Variants in ANO2 observed in about 807,000 individuals in gnomAD.
ANO2 encodes anoctamin-2.
In ANO2, 101 loss-of-function variants were observed where a neutral mutation model predicts 124.2. The ratio of observed to expected loss-of-function variants is 0.81; its 90% CI spans 0.69 to 0.96. ANO2 has a LOEUF of 0.96. Ranked by LOEUF, ANO2 falls within the 40% of genes least tolerant of loss-of-function variation. ANO2 has a pLI of 0.00. For synonymous variants in ANO2, 486 were observed against 482.5 expected (o/e 1.01, Z -0.09); for missense variants, 1,293 against 1,274.5 (o/e 1.01, Z -0.22).
chr12:5,567,787 G>A (rs532949414), intron 23 of ANO2, among the ~76,000 whole-genome samples: 1 of 152,172 alleles, frequency 6.6e-6, no homozygotes, highest in Non-Finnish European at 1.5e-5. Context: ...AGTTTAACAA[G>A]CATATCCATC....
At chr12:5,629,585 C>G (rs1434475418) in intron 16 of ANO2, among the ~76,000 whole-genome samples, 1 of 152,166 alleles carries the variant, frequency 6.6e-6, no homozygotes, top group Admixed American at 6.5e-5. Context: ...GTGACCTGCC[C>G]AGATTTTGCC....
At position 5,748,385 on chromosome 12, in the gene ANO2, T is replaced by C. The variant is rs150220581; in HGVS notation, c.1190+2451A>G. 4.6e-3 allele frequency among the ~76,000 whole-genome samples: 698 copies of C among 152,318 alleles called. 2 individuals carry two copies. The highest frequency in any genetic ancestry group is 7.2e-3 in the Non-Finnish European group (490 of 68,026). ...AGGGAAACCCAAAAGCCATGTTTTCTTAGAACACACCCAGGCAAGCCCACG... is the reference window on the plus strand; with the variant it reads ...AGGGAAACCCAAAAGCCATGTTTTCCTAGAACACACCCAGGCAAGCCCACG... On this transcript the variant is annotated intron_variant, in intron 11 of 24. Coordinates refer to ENST00000682330, the MANE Select transcript of ANO2 (RefSeq NM_001364791.2).
intron 3 of ANO2, among the ~76,000 whole-genome samples, chr12:5,885,380 T>G (rs139064540): frequency 2.7e-4 from 41 of 152,378 alleles, no homozygotes; most frequent in African/African-American, 9.9e-4. Flanking sequence ...TCATGCTTAC[T>G]GTCCAGTGAC....
chr12:5,690,311 T>C (rs1397229199), intron 14 of ANO2, among the ~76,000 whole-genome samples: 2 of 152,126 alleles, frequency 1.3e-5, no homozygotes, highest in Non-Finnish European at 2.9e-5. Context: ...ATTTTCTCAC[T>C]CTGGATTCCC....
chr12:5,743,683 C>A (rs1046029906), intron 12 of ANO2, among the ~76,000 whole-genome samples: 3 of 152,194 alleles, frequency 2.0e-5, no homozygotes, highest in Admixed American at 6.5e-5. Context: ...ACAGTACAGT[C>A]TACACTCATG....
intron 7 of ANO2, among the ~76,000 whole-genome samples, chr12:5,826,973 T>C (rs1184733025): frequency 6.6e-6 from 1 of 152,216 alleles, no homozygotes; most frequent in Admixed American, 6.5e-5. Context: ...AGCTGTCAGA[T>C]GCCACTTGGA....
At chr12:5,674,582 T>A (rs1948147191) in intron 14 of ANO2, among the ~76,000 whole-genome samples, 1 of 152,172 alleles carries the variant, frequency 6.6e-6, no homozygotes, top group Non-Finnish European at 1.5e-5. Flanking sequence ...TGGCCACCTC[T>A]TCTTAGAAGA....
At chr12:5,652,261 A>C (rs369864764) in intron 14 of ANO2, among the ~76,000 whole-genome samples, 165 of 152,288 alleles carry the variant, frequency 1.1e-3, no homozygotes, top group Middle Eastern at 0.01. Flanking sequence ...CTTTTATTAA[A>C]TAAATTTTTA....
Position 5,922,729 on chromosome 12 carries a change from T to C in ANO2, c.98A>G (p.His33Arg), listed in dbSNP as rs1941771378. 6.2e-7 allele frequency: 1 copy of C among 1,600,890 alleles called. No homozygotes were observed. Among genetic ancestry groups the C allele is most frequent in the Non-Finnish European group, 8.5e-7 (1 of 1,174,850 alleles). ...AGSRGGQGPK[H>R]GQQCLKMPGP... is the part of the protein sequence containing the mutation. ...TGGCATCTTGAGACACTGCTGTCCA[T>C]GTTTGGGGCCCTGGCCCCCTCTGGA... Residue 33 changes from histidine (H) to arginine (R), a missense_variant, in exon 2 of 25, where the codon CAT becomes CGT. By Grantham distance (29) the His-to-Arg change is conservative (BLOSUM62 0). Coordinates refer to ENST00000682330, the MANE Select transcript of ANO2 (RefSeq NM_001364791.2).
At chr12:5,687,464 C>A (rs1214091982) in intron 14 of ANO2, among the ~76,000 whole-genome samples, 1 of 152,230 alleles carries the variant, frequency 6.6e-6, no homozygotes, top group Non-Finnish European at 1.5e-5. Flanking sequence ...GAAGCATGTG[C>A]AATTTCCTTG....
intron 1 of ANO2, among the ~76,000 whole-genome samples, chr12:5,923,631 C>T (rs562998897): frequency 4.6e-5 from 7 of 152,280 alleles, no homozygotes; most frequent in South Asian, 4.1e-4. Flanking sequence ...AGCCCCTTCT[C>T]GGCAGGAATG....
At chr12:5,648,734 C>T (rs1946767021) in intron 14 of ANO2, among the ~76,000 whole-genome samples, 1 of 152,180 alleles carries the variant, frequency 6.6e-6, no homozygotes, top group African/African-American at 2.4e-5. Context: ...GCTGGGAAGA[C>T]CATCTGAAGC....
intron 14 of ANO2, among the ~76,000 whole-genome samples, chr12:5,720,483 C>A (rs1379628813): frequency 1.3e-5 from 2 of 152,288 alleles, no homozygotes; most frequent in East Asian, 3.9e-4. Context: ...AATTTACGTG[C>A]TTCTGGCCAT....
At chr12:5,839,677 T>C in intron 4 of ANO2, 1 of 454,962 alleles carries the variant, frequency 2.2e-6, no homozygotes, top group South Asian at 1.6e-5. Context: ...TAACAAACCC[T>C]TCCATGTATG....
At chr12:5,819,370 T>C (rs1447817840) in intron 7 of ANO2, among the ~76,000 whole-genome samples, 4 of 152,138 alleles carry the variant, frequency 2.6e-5, no homozygotes, top group African/African-American at 9.7e-5. Flanking sequence ...GAATGGATAT[T>C]AAGGATATGG....
intron 19 of ANO2, among the ~76,000 whole-genome samples, chr12:5,600,934 T>C (rs1394493210): frequency 6.6e-6 from 1 of 152,202 alleles, no homozygotes; most frequent in African/African-American, 2.4e-5. Flanking sequence ...TGTTTGAAAG[T>C]GCCTCTAACA....
chr12:5,928,321 C>A (rs1942183232), intron 1 of ANO2, among the ~76,000 whole-genome samples: 1 of 152,214 alleles, frequency 6.6e-6, no homozygotes, highest in African/African-American at 2.4e-5. Flanking sequence ...CTGCTTCCAG[C>A]AAAACCAGAC....
At chr12:5,788,866 CA>C (rs1261722684) in intron 10 of ANO2, among the ~76,000 whole-genome samples, 1 of 152,190 alleles carries the variant, frequency 6.6e-6, no homozygotes, top group Non-Finnish European at 1.5e-5. Flanking sequence ...GCCTGAATTA[CA>C]TATTTCTTAA....
chr12:5,664,198 G>T (rs1420441281), intron 14 of ANO2, among the ~76,000 whole-genome samples: 4 of 152,182 alleles, frequency 2.6e-5, no homozygotes, highest in Admixed American at 2.6e-4. Context: ...ACCCTATCTA[G>T]CTAAGGTAGT....
Sources: allele counts gnomAD v4.1 joint callset (sites outside exome capture counted in the v4.1 genomes callset), GRCh38; gene constraint gnomAD v4.1.1; transcripts MANE v1.5; gene names NCBI Gene and HGNC (gene_info 2026-07-23, HGNC 2026-07-21).